VPS53: variants seen among roughly 807,000 people sequenced by gnomAD.
VPS53 encodes the protein vacuolar protein sorting-associated protein 53 homolog.
VPS53 carries 70 observed loss-of-function variants against 107.0 expected under a neutral mutation model. The observed-to-expected ratio is 0.65, with a 90% CI of 0.54 to 0.80. The LOEUF (loss-of-function observed/expected upper bound fraction) is 0.80. Among genes scored for constraint, VPS53 ranks in the 30% least tolerant of loss-of-function variants. The pLI, the probability that VPS53 is intolerant of heterozygous loss-of-function variation, is 0.00. For synonymous variants in VPS53, 409 were observed against 393.3 expected (o/e 1.04, Z -0.47); for missense variants, 917 against 1,049.4 (o/e 0.87, Z 1.74).
chr17:540,337 C>A (rs953242375), intron 17 of VPS53: 13 of 152,030 alleles, frequency 8.6e-5, no homozygotes, highest in African/African-American at 3.1e-4. Context: ...GTGTACACTA[C>A]CATGCTCAGC....
chr17:623,099 C>G (rs1199600503), intron 11 of VPS53, among the ~76,000 whole-genome samples: 1 of 152,028 alleles, frequency 6.6e-6, no homozygotes, highest in African/African-American at 2.4e-5. Context: ...GCACGTAGTC[C>G]CCAGGCCTGT....
chr17:651,494 G>C (rs1970947132), intron 7 of VPS53, among the ~76,000 whole-genome samples: 1 of 152,168 alleles, frequency 6.6e-6, no homozygotes, highest in South Asian at 2.1e-4. Context: ...GGGAAACTGT[G>C]GTGGGAGGAT....
At chr17:658,015 C>T (rs1429071680) in intron 5 of VPS53, among the ~76,000 whole-genome samples, 1 of 102,088 alleles carries the variant, frequency 9.8e-6, no homozygotes, top group African/African-American at 4.0e-5. Flanking sequence ...GCCGTGAGTT[C>T]GTGGATAGAT....
intron 4 of VPS53, among the ~76,000 whole-genome samples, chr17:696,661 A>G (rs991294639): frequency 3.9e-5 from 6 of 152,136 alleles, no homozygotes; most frequent in Non-Finnish European, 7.4e-5. Context: ...CCCCTCAATT[A>G]TTAAAGAGTA....
At chr17:638,025 C>A (rs1249476235) in intron 7 of VPS53, among the ~76,000 whole-genome samples, 1 of 152,184 alleles carries the variant, frequency 6.6e-6, no homozygotes, top group Non-Finnish European at 1.5e-5. Flanking sequence ...GTGTTAAAGT[C>A]TCCCATTACT....
intron 4 of VPS53, among the ~76,000 whole-genome samples, chr17:670,160 G>A (rs879939029): frequency 4.6e-5 from 7 of 152,092 alleles, no homozygotes; most frequent in Non-Finnish European, 8.8e-5. Context: ...CGGCGACTGT[G>A]TTTAATCTGC....
chr17:678,678 C>T (rs1170294159), intron 4 of VPS53, among the ~76,000 whole-genome samples: 5 of 151,444 alleles, frequency 3.3e-5, no homozygotes, highest in East Asian at 2.0e-4. Flanking sequence ...CTCGCTCTGT[C>T]GCCCAGGTAG....
chr17:598,071 G>A (rs1261554817), intron 12 of VPS53, among the ~76,000 whole-genome samples: 5 of 150,780 alleles, frequency 3.3e-5, no homozygotes, highest in African/African-American at 9.7e-5. Context: ...CAACCTCCCT[G>A]CCTGATTCTC....
intron 7 of VPS53, among the ~76,000 whole-genome samples, chr17:633,048 AGTACTCAACAGTGGCCGTGAGT>A (rs2143184987): frequency 6.6e-6 from 1 of 152,348 alleles, no homozygotes; most frequent in East Asian, 1.9e-4. Context: ...AGGGGAGGCC[AGTACTCAACAGTGGCCGTGAGT>A]GTACTAGGAG....
intron 7 of VPS53, among the ~76,000 whole-genome samples, chr17:643,950 C>T (rs1010001642): frequency 6.6e-6 from 1 of 152,156 alleles, no homozygotes; most frequent in Admixed American, 6.5e-5. Flanking sequence ...CATCATGAGA[C>T]CTGCCAAGCC....
intron 12 of VPS53, among the ~76,000 whole-genome samples, chr17:588,296 G>A (rs1442282230): frequency 2.0e-5 from 3 of 151,894 alleles, no homozygotes; most frequent in African/African-American, 4.8e-5. Flanking sequence ...CCAGCCTGGC[G>A]ACAGAGTGAG....
intron 11 of VPS53, among the ~76,000 whole-genome samples, chr17:611,411 T>C (rs1237260828): frequency 6.6e-6 from 1 of 152,174 alleles, no homozygotes; most frequent in African/African-American, 2.4e-5. Context: ...CCCATGAGAA[T>C]GGCTATAATT....
intron 13 of VPS53, among the ~76,000 whole-genome samples, chr17:576,559 C>A (rs994611900): frequency 6.6e-5 from 10 of 150,390 alleles, no homozygotes; most frequent in African/African-American, 9.8e-5. Context: ...GCACCTAATG[C>A]GTTCCCAGAG....
In VPS53 at chr17:608,262, C is replaced by A. The variant is rs143722714; in HGVS notation, c.1117-6366G>T. ...GTACAGACTTCTTTCTCCTACTAGA[C>A]CCTAAGTGCCTTCCCGATCCAATTT... On this transcript the variant is annotated intron_variant, in intron 11 of 21. Coordinates refer to ENST00000437048, the MANE Select transcript of VPS53 (RefSeq NM_001128159.3). Among the ~76,000 whole-genome samples the A allele has an allele frequency of 9.3e-3, 1,420 of 152,248 alleles. 15 individuals carry two copies. Among genetic ancestry groups the A allele is most frequent in the Non-Finnish European group, 0.015 (1,011 of 68,018 alleles).
At chr17:661,014 G>A (rs1455487711) in intron 5 of VPS53, among the ~76,000 whole-genome samples, 1 of 152,040 alleles carries the variant, frequency 6.6e-6, no homozygotes, top group Non-Finnish European at 1.5e-5. Flanking sequence ...AAATTTGTCA[G>A]GGGAGAACTC....
intron 2 of VPS53, among the ~76,000 whole-genome samples, chr17:701,312 C>T (rs1318720952): frequency 6.7e-6 from 1 of 150,150 alleles, no homozygotes; most frequent in Non-Finnish European, 1.5e-5. Flanking sequence ...GGCTAAACAG[C>T]CCTGTCTCAA....
chr17:645,478 G>T (rs561976682), intron 7 of VPS53, among the ~76,000 whole-genome samples: 3 of 152,188 alleles, frequency 2.0e-5, no homozygotes, highest in African/African-American at 7.2e-5. Context: ...TGCTGATAGT[G>T]TTTTTTCATG....
chr17:708,730 T>A (rs528849569), intron 2 of VPS53, among the ~76,000 whole-genome samples: 1 of 152,354 alleles, frequency 6.6e-6, no homozygotes, highest in African/African-American at 2.4e-5. Flanking sequence ...TATCCAGGCA[T>A]GACAGAGGTT....
intron 4 of VPS53, among the ~76,000 whole-genome samples, chr17:687,061 G>A (rs1972611663): frequency 6.6e-6 from 1 of 152,182 alleles, no homozygotes; most frequent in Non-Finnish European, 1.5e-5. Flanking sequence ...AAGGTGGGCA[G>A]ATCACCTGAG....
Sources: gnomAD v4.1 joint callset for allele counts (sites outside exome capture counted in the v4.1 genomes callset) on GRCh38, gnomAD v4.1.1 for gene constraint, MANE v1.5 for transcripts, NCBI Gene and HGNC (gene_info 2026-07-23, HGNC 2026-07-21) for gene names.